The following CIMAP2 variants were observed in gnomAD, a reference collection of about 807,000 sequenced individuals.
CIMAP2 encodes ciliary microtubule-associated protein 2.
chr1:54,819,188 G>A, the CIMAP2 span, among the ~76,000 whole-genome samples: 1 of 152,188 alleles, frequency 6.6e-6, no homozygotes, highest in Non-Finnish European at 1.5e-5. Flanking sequence ...GGGGGTAAGT[G>A]TGGTTGTTGG....
chr1:54,819,405 G>T, the CIMAP2 span, among the ~76,000 whole-genome samples: 19 of 152,196 alleles, frequency 1.2e-4, no homozygotes, highest in Admixed American at 3.3e-4. Flanking sequence ...ATCTCATTCT[G>T]TTACCCAGGT....
chr1:54,808,270 T>C, the CIMAP2 span, among the ~76,000 whole-genome samples: 1 of 152,168 alleles, frequency 6.6e-6, no homozygotes, highest in African/African-American at 2.4e-5. Context: ...AGCAGGGCTA[T>C]GAACACAAAT....
chr1:54,826,987 T>A, the CIMAP2 span, among the ~76,000 whole-genome samples: 1 of 152,250 alleles, frequency 6.6e-6, no homozygotes, highest in African/African-American at 2.4e-5. Context: ...ATACTTTTAG[T>A]GGGTTGCAGG....
chr1:54,811,696 C>T, the CIMAP2 span: 2 of 1,396,094 alleles, frequency 1.4e-6, no homozygotes, highest in Non-Finnish European at 1.0e-6. Context: ...AATCCCATTC[C>T]CTTCTTGGGG....
the CIMAP2 span, chr1:54,814,021 C>G: frequency 6.5e-7 from 1 of 1,546,348 alleles, no homozygotes; most frequent in South Asian, 1.2e-5. Context: ...GAGGGCAGCT[C>G]TCCTTCCGGG....
the CIMAP2 span, among the ~76,000 whole-genome samples, chr1:54,816,326 T>A: frequency 6.6e-6 from 1 of 152,232 alleles, no homozygotes; most frequent in Non-Finnish European, 1.5e-5. Context: ...TCAGGACTGC[T>A]TCTCTGCAGA....
chr1:54,808,464 C>T, the CIMAP2 span, among the ~76,000 whole-genome samples: 1 of 152,062 alleles, frequency 6.6e-6, no homozygotes, highest in African/African-American at 2.4e-5. Flanking sequence ...ACATGCTTGT[C>T]AAATCAGACC....
the CIMAP2 span, chr1:54,811,773 G>GCTCCCCCCCCCCCCC: frequency 7.5e-7 from 1 of 1,325,052 alleles, no homozygotes; most frequent in Non-Finnish European, 1.0e-6. Context: ...CAGCCTCCAT[G>GCTCCCCCCCCCCCCC]CCCCCACCCC....
At chr1:54,835,016 C>A in the CIMAP2 span, among the ~76,000 whole-genome samples, 42 of 152,166 alleles carry the variant, frequency 2.8e-4, no homozygotes, top group African/African-American at 1.0e-3. Context: ...CATGAGTATA[C>A]CTTCTCCTAA....
chr1:54,828,429 T>C, the CIMAP2 span, among the ~76,000 whole-genome samples: 1 of 152,148 alleles, frequency 6.6e-6, no homozygotes, highest in East Asian at 1.9e-4. Flanking sequence ...CCTCCCAGGC[T>C]CAATAGACCA....
chr1:54,812,585 T>A, the CIMAP2 span, among the ~76,000 whole-genome samples: 1 of 152,220 alleles, frequency 6.6e-6, no homozygotes, highest in Non-Finnish European at 1.5e-5. Context: ...TAGACCAAGC[T>A]GGCTGGGTTA....
chr1:54,826,488 G>A, the CIMAP2 span, among the ~76,000 whole-genome samples: 22 of 152,316 alleles, frequency 1.4e-4, no homozygotes, highest in African/African-American at 5.3e-4. Context: ...AGGGCTCCAG[G>A]GCAAGATGTA....
chr1:54,831,825 AT>A, the CIMAP2 span, among the ~76,000 whole-genome samples: 1 of 152,234 alleles, frequency 6.6e-6, no homozygotes, highest in Non-Finnish European at 1.5e-5. Context: ...ATGGTAAACA[AT>A]AAAAAAATCC....
chr1:54,835,653 T>C, the CIMAP2 span, among the ~76,000 whole-genome samples: 1 of 152,146 alleles, frequency 6.6e-6, no homozygotes, highest in Non-Finnish European at 1.5e-5. Context: ...CAAAAATTGA[T>C]TGTGCACCTA....
At chr1:54,812,778 G>T in the CIMAP2 span, among the ~76,000 whole-genome samples, 5 of 152,208 alleles carry the variant, frequency 3.3e-5, no homozygotes, top group Non-Finnish European at 5.9e-5. Flanking sequence ...CGGTGGGTGT[G>T]ATTAAGCCAG....
At chr1:54,818,527 G>T in the CIMAP2 span, among the ~76,000 whole-genome samples, 1 of 151,820 alleles carries the variant, frequency 6.6e-6, no homozygotes, top group African/African-American at 2.4e-5. Context: ...TTTTGCTGTG[G>T]ATTGCTCTTT....
the CIMAP2 span, among the ~76,000 whole-genome samples, chr1:54,827,910 T>C: frequency 6.6e-6 from 1 of 152,106 alleles, no homozygotes; most frequent in Non-Finnish European, 1.5e-5. Context: ...TCTAGTAAGA[T>C]AGAGATTTTT....
chr1:54,836,013 C>T, the CIMAP2 span, among the ~76,000 whole-genome samples: 3 of 151,994 alleles, frequency 2.0e-5, no homozygotes, highest in African/African-American at 7.3e-5. Context: ...TTTGTGCATG[C>T]TGTTTTGGTG....
At chr1:54,806,285 C>T in the CIMAP2 span, 1 of 1,405,528 alleles carries the variant, frequency 7.1e-7, no homozygotes. Flanking sequence ...CACCCCGAAG[C>T]CACGCTTGGC....
Sources: allele counts gnomAD v4.1 joint callset (sites outside exome capture counted in the v4.1 genomes callset), GRCh38; gene constraint gnomAD v4.1.1; transcripts MANE v1.5; gene names NCBI Gene and HGNC (gene_info 2026-07-23, HGNC 2026-07-21).